The following TMEM178B variants were observed in gnomAD, a reference collection of about 807,000 sequenced individuals.
TMEM178B encodes the protein transmembrane protein 178B.
A neutral mutation model predicts 31.0 loss-of-function variants in TMEM178B; 5 were observed. The ratio of observed to expected loss-of-function variants is 0.16; its 90% CI spans 0.08 to 0.34. The LOEUF is 0.34. Among genes scored for constraint, TMEM178B ranks in the 10% least tolerant of loss-of-function variants. The pLI is 1.00. For missense variants in TMEM178B, 275 were observed against 400.3 expected (o/e 0.69, Z 2.67); for synonymous variants, 164 against 164.0 (o/e 1.00, Z 0.00).
At chr7:141,156,103 C>G (rs944761907) in intron 1 of TMEM178B, among the ~76,000 whole-genome samples, 1 of 152,028 alleles carries the variant, frequency 6.6e-6, no homozygotes, top group Non-Finnish European at 1.5e-5. Flanking sequence ...ATGGAGTGAC[C>G]CATTTTCAGT....
chr7:141,130,687 AGAGAGGAGG>A (rs1165574934), intron 1 of TMEM178B, among the ~76,000 whole-genome samples: 1 of 152,122 alleles, frequency 6.6e-6, no homozygotes, highest in Non-Finnish European at 1.5e-5. Flanking sequence ...TTTTCTTATA[AGAGAGGAGG>A]GAGAGGAGGG....
chr7:141,277,537 A>T (rs1798285269), intron 2 of TMEM178B, among the ~76,000 whole-genome samples: 1 of 152,150 alleles, frequency 6.6e-6, no homozygotes, highest in South Asian at 2.1e-4. Flanking sequence ...TTTTACAGTT[A>T]ACTTTGTTTT....
chr7:141,142,668 A>G (rs532833504), intron 1 of TMEM178B, among the ~76,000 whole-genome samples: 21 of 152,176 alleles, frequency 1.4e-4, no homozygotes, highest in Middle Eastern at 6.8e-3. Context: ...CAGCCTCCCA[A>G]AGTGCTGGGA....
At chr7:141,120,000 G>A (rs997566956) in intron 1 of TMEM178B, among the ~76,000 whole-genome samples, 4 of 152,216 alleles carry the variant, frequency 2.6e-5, no homozygotes, top group African/African-American at 9.6e-5. Flanking sequence ...AGAATGGAAG[G>A]GTGAGGTGAG....
intron 1 of TMEM178B, among the ~76,000 whole-genome samples, chr7:141,185,053 G>A (rs1796587243): frequency 1.3e-5 from 2 of 152,152 alleles, no homozygotes; most frequent in Non-Finnish European, 2.9e-5. Context: ...CGATGGTGGT[G>A]TGGCTCACTT....
At chr7:141,121,156 A>G (rs1250758345) in intron 1 of TMEM178B, among the ~76,000 whole-genome samples, 2 of 152,088 alleles carry the variant, frequency 1.3e-5, no homozygotes, top group Non-Finnish European at 2.9e-5. Flanking sequence ...CAGTGTTTAC[A>G]TTATTATGAC....
chr7:141,147,547 G>A (rs1795873995), intron 1 of TMEM178B, among the ~76,000 whole-genome samples: 1 of 152,220 alleles, frequency 6.6e-6, no homozygotes, highest in African/African-American at 2.4e-5. Context: ...GGAAATCAAG[G>A]CAAGCGATGA....
chr7:141,185,969 C>T (rs1190561904), intron 1 of TMEM178B, among the ~76,000 whole-genome samples: 1 of 152,152 alleles, frequency 6.6e-6, no homozygotes, highest in Non-Finnish European at 1.5e-5. Context: ...GACTTTGGTC[C>T]TTGATCGGCT....
chr7:141,093,322 G>A (rs1794908753), intron 1 of TMEM178B, among the ~76,000 whole-genome samples: 1 of 152,174 alleles, frequency 6.6e-6, no homozygotes, highest in Non-Finnish European at 1.5e-5. Flanking sequence ...AGTCAAAGAT[G>A]GCACCAATAT....
rs1563157404 is a variant in TMEM178B, at chr7:141,344,576, C to CTTCT, written c.497-93029_497-93028insTTTC. Among the ~76,000 whole-genome samples the CTTCT allele has an allele frequency of 0.013, 195 of 15,452 alleles. 1 individual carries two copies. The highest frequency in any genetic ancestry group is 0.036 in the African/African-American group (189 of 5,320). The allele number at this position is 15,452 out of a possible 152,430, so 10.1% of individuals were successfully genotyped here. A position where few individuals can be genotyped will look rare whatever the true frequency, so the allele number is the denominator to read the frequency against. On this transcript the variant is annotated intron_variant, in intron 2 of 3. Transcript: ENST00000565468. This position sits in a 1 kb window ranked among gnomAD's most constrained non-coding sequence, Gnocchi z 4.1. Reference sequence around the variant, plus strand: ...CCCTCCCTCCATTCCTCCCTCCTCCCTTCCTTCCTTCCTTCCTTCCTTCCT... The same window carrying CTTCT: ...CCCTCCCTCCATTCCTCCCTCCTCCCTTCTTTCCTTCCTTCCTTCCTTCCTTCCT...
intron 3 of TMEM178B, among the ~76,000 whole-genome samples, chr7:141,440,602 G>C (rs1043974220): frequency 6.6e-6 from 1 of 151,950 alleles, no homozygotes; most frequent in South Asian, 2.1e-4. Context: ...ATGGGGCCTC[G>C]ATTATTACTG....
chr7:141,161,052 T>C lies in TMEM178B; in HGVS notation c.383-51539T>C, dbSNP rs372286590. Reference sequence around the variant, plus strand: ...TTGTATTTTTAGTAGAGATGGGGTTTCACCACGTTGGTCAGGCTGGTCTTG... The same window carrying C: ...TTGTATTTTTAGTAGAGATGGGGTTCCACCACGTTGGTCAGGCTGGTCTTG... On this transcript the variant is annotated intron_variant, in intron 1 of 3. Coordinates refer to ENST00000565468, the MANE Select transcript of TMEM178B (RefSeq NM_001195278.2). Among the ~76,000 whole-genome samples the C allele has an allele frequency of 3.0e-4, 45 of 152,232 alleles. 1 individual carries two copies. In the East Asian group the frequency reaches 7.2e-3, roughly 24 times the overall value.
At chr7:141,278,526 C>T (rs1798303916) in intron 2 of TMEM178B, among the ~76,000 whole-genome samples, 1 of 115,832 alleles carries the variant, frequency 8.6e-6, no homozygotes, top group South Asian at 3.8e-4. Flanking sequence ...GAGGTTGTAG[C>T]GAGCCAAGAT....
intron 1 of TMEM178B, among the ~76,000 whole-genome samples, chr7:141,155,076 TG>T (rs2129180931): frequency 6.6e-6 from 1 of 152,244 alleles, no homozygotes; most frequent in East Asian, 1.9e-4. Flanking sequence ...GAAAACAGGT[TG>T]GTTTTCTTGC....
At chr7:141,117,763 G>A (rs189215290) in intron 1 of TMEM178B, among the ~76,000 whole-genome samples, 124 of 152,302 alleles carry the variant, frequency 8.1e-4, no homozygotes, top group Non-Finnish European at 1.5e-3. Flanking sequence ...TTATTAAATA[G>A]GGAATCCTTT....
Position 141,349,812 on chromosome 7 carries a change from A to T in TMEM178B, c.497-87796A>T, listed in dbSNP as rs77941168. Among the ~76,000 whole-genome samples, 718 of 152,334 alleles carry T rather than the reference A, an allele frequency of 4.7e-3. 27 individuals are homozygous for T. The East Asian group carries it at 0.1, about 22-fold the overall frequency. ...ATGTGCTGGATAGGAAGAACAAGGC[A>T]GAGCCAGGGCAGAATGTAGTGTTAA... On this transcript the variant is annotated intron_variant, in intron 2 of 3. Coordinates refer to ENST00000565468, the MANE Select transcript of TMEM178B (RefSeq NM_001195278.2).
chr7:141,193,679 G>A (rs1410506840), intron 1 of TMEM178B, among the ~76,000 whole-genome samples: 1 of 152,136 alleles, frequency 6.6e-6, no homozygotes, highest in Non-Finnish European at 1.5e-5. Context: ...AGACTGGATG[G>A]GCTCCTGTGC....
chr7:141,279,701 G>C (rs1037305252), intron 2 of TMEM178B, among the ~76,000 whole-genome samples: 1 of 152,198 alleles, frequency 6.6e-6, no homozygotes, highest in Admixed American at 6.5e-5. Flanking sequence ...TGCTAGGGCA[G>C]CCCCAAGCTG....
At chr7:141,294,888 C>T (rs189406980) in intron 2 of TMEM178B, among the ~76,000 whole-genome samples, 236 of 152,324 alleles carry the variant, frequency 1.5e-3, no homozygotes, top group African/African-American at 5.2e-3. Flanking sequence ...AATGCACCCT[C>T]GCCATGTGCA....
Sources: gnomAD v4.1 joint callset for allele counts (sites outside exome capture counted in the v4.1 genomes callset) on GRCh38, gnomAD v4.1.1 for gene constraint, Gnocchi (gnomAD v3.1) non-coding constraint, MANE v1.5 for transcripts, NCBI Gene and HGNC (gene_info 2026-07-23, HGNC 2026-07-21) for gene names.